The following PTPRK variants were observed in gnomAD, a reference collection of about 807,000 sequenced individuals.
The protein encoded by PTPRK is protein tyrosine phosphatase receptor type K.
Under a neutral mutation model 178.0 loss-of-function variants are expected in PTPRK, and 75 were observed. The ratio of observed to expected loss-of-function variants is 0.42; its 90% confidence interval spans 0.35 to 0.51. The LOEUF (loss-of-function observed/expected upper bound fraction) is 0.51. Ranked by LOEUF, PTPRK falls within the 20% of genes least tolerant of loss-of-function variation. PTPRK has a pLI of 0.02. For missense variants in PTPRK, 1,441 were observed against 1,797.8 expected (o/e 0.80, Z 3.59); for synonymous variants, 637 against 620.6 (o/e 1.03, Z -0.39).
chr6:128,187,134 T>C (rs772219862), intron 6 of PTPRK, among the ~76,000 whole-genome samples: 1 of 152,016 alleles, frequency 6.6e-6, no homozygotes, highest in Admixed American at 6.6e-5. Flanking sequence ...TGTGAGTATA[T>C]CAAATGGTAA....
At chr6:128,200,398 C>G (rs1285987513) in intron 6 of PTPRK, among the ~76,000 whole-genome samples, 1 of 152,014 alleles carries the variant, frequency 6.6e-6, no homozygotes, top group Admixed American at 6.6e-5. Context: ...ACTTAAGATA[C>G]AAATTAGAGT....
At chr6:128,089,414 T>G (rs1317425747) in intron 8 of PTPRK, among the ~76,000 whole-genome samples, 1 of 152,222 alleles carries the variant, frequency 6.6e-6, no homozygotes, top group Non-Finnish European at 1.5e-5. Flanking sequence ...GAACATTTGA[T>G]TTAAAAAACC....
At chr6:128,240,655 T>C (rs972239845) in intron 4 of PTPRK, among the ~76,000 whole-genome samples, 1 of 152,188 alleles carries the variant, frequency 6.6e-6, no homozygotes, top group African/African-American at 2.4e-5. Context: ...GTTATAACCC[T>C]CTACAGCACT....
intron 13 of PTPRK, among the ~76,000 whole-genome samples, chr6:128,054,762 G>A (rs1386553993): frequency 1.3e-5 from 2 of 152,166 alleles, no homozygotes; most frequent in African/African-American, 4.8e-5. Flanking sequence ...ATTCATTCAT[G>A]TTTAATTTCA....
intron 3 of PTPRK, among the ~76,000 whole-genome samples, chr6:128,300,054 T>G (rs1255034980): frequency 6.6e-6 from 1 of 151,986 alleles, no homozygotes; most frequent in Non-Finnish European, 1.5e-5. Flanking sequence ...CAACAAAAAG[T>G]GGGCAAAGGA....
At chr6:128,451,575 T>C (rs903321697) in intron 1 of PTPRK, among the ~76,000 whole-genome samples, 3 of 152,080 alleles carry the variant, frequency 2.0e-5, no homozygotes, top group South Asian at 2.1e-4. Context: ...TCTAATAAGC[T>C]AGAAACTGAA....
intron 13 of PTPRK, among the ~76,000 whole-genome samples, chr6:128,042,198 G>A (rs947172991): frequency 6.6e-6 from 1 of 151,964 alleles, no homozygotes; most frequent in Non-Finnish European, 1.5e-5. Context: ...CCCACTGTCC[G>A]ATTCCAAAGT....
chr6:128,213,615 T>C (rs1808659531), intron 6 of PTPRK, among the ~76,000 whole-genome samples: 1 of 152,050 alleles, frequency 6.6e-6, no homozygotes, highest in Non-Finnish European at 1.5e-5. Flanking sequence ...TATGAATTCA[T>C]GAGCCTAAAA....
chr6:128,077,573 T>G (rs982096143), intron 11 of PTPRK, among the ~76,000 whole-genome samples: 1 of 150,166 alleles, frequency 6.7e-6, no homozygotes, highest in Non-Finnish European at 1.5e-5. Flanking sequence ...ATGTATTCCT[T>G]TTACACAAAG....
chr6:128,390,610 C>T lies in PTPRK; in HGVS notation c.223+6956G>A, dbSNP rs1839413799. Among the ~76,000 whole-genome samples the T allele has an allele frequency of 1.3e-5, 2 of 152,152 alleles. 1 individual carries two copies. Among genetic ancestry groups the T allele is most frequent in the South Asian group, 4.1e-4 (2 of 4,826 alleles). ...TCAAGGAAATTTGTCAACTCAACTGCAGTGATGAAGCACGGTGGTACTGGA... is the reference window on the plus strand; with the variant it reads ...TCAAGGAAATTTGTCAACTCAACTGTAGTGATGAAGCACGGTGGTACTGGA... On this transcript the variant is annotated intron_variant, in intron 2 of 29. Coordinates refer to ENST00000368226, the MANE Select transcript of PTPRK (RefSeq NM_002844.4).
chr6:127,987,093 T>C (rs1024352590), intron 21 of PTPRK, among the ~76,000 whole-genome samples: 1 of 152,128 alleles, frequency 6.6e-6, no homozygotes, highest in Non-Finnish European at 1.5e-5. Flanking sequence ...AATTCTTTTA[T>C]TGGAGTTGCT....
chr6:128,396,936 C>G, intron 2 of PTPRK, among the ~76,000 whole-genome samples: 1 of 152,062 alleles, frequency 6.6e-6, no homozygotes, highest in Non-Finnish European at 1.5e-5. Context: ...AGGCAGAGAT[C>G]GCAGTGAGCA....
At chr6:128,433,062 GATCAA>G (rs1562510042) in intron 1 of PTPRK, among the ~76,000 whole-genome samples, 1 of 152,010 alleles carries the variant, frequency 6.6e-6, no homozygotes, top group African/African-American at 2.4e-5. Context: ...AATATGTATT[GATCAA>G]ATCAAAGTAT....
At position 127,995,528 on chromosome 6, in the gene PTPRK, G is replaced by A; in HGVS notation, c.2778C>T (p.Ser926=). The A allele has an allele frequency of 6.4e-7, 1 of 1,572,658 alleles. No homozygotes were observed. The highest frequency in any genetic ancestry group is 1.2e-5 in the South Asian group (1 of 85,840). Residue 926 remains serine, a synonymous_variant, in exon 18 of 30, where the codon TCC becomes TCT. Coordinates refer to ENST00000368226, the MANE Select transcript of PTPRK (RefSeq NM_002844.4). ...CCTCTACGGGTTGCAAAATCACTCTGGAGTGATCATCTAAAATTTTAAAAT... is the reference window on the plus strand; with the variant it reads ...CCTCTACGGGTTGCAAAATCACTCTAGAGTGATCATCTAAAATTTTAAAAT... ...RYGNIIAYDH[S]RVILQPVEDD... is the part of the protein sequence containing the mutation.
chr6:128,048,272 G>T (rs1333746355), intron 13 of PTPRK, among the ~76,000 whole-genome samples: 1 of 152,184 alleles, frequency 6.6e-6, no homozygotes, highest in Non-Finnish European at 1.5e-5. Flanking sequence ...AAACTGTGGA[G>T]TTGAGGCCCA....
intron 7 of PTPRK, among the ~76,000 whole-genome samples, chr6:128,093,632 C>CAAAAAA (rs1413749960): frequency 1.8e-5 from 1 of 54,202 alleles, no homozygotes; most frequent in African/African-American, 7.1e-5. Context: ...AACGAAAAAA[C>CAAAAAA]AAAAAAACAA....
intron 3 of PTPRK, among the ~76,000 whole-genome samples, chr6:128,311,545 T>C (rs915279750): frequency 3.3e-5 from 5 of 152,166 alleles, no homozygotes; most frequent in Non-Finnish European, 5.9e-5. Flanking sequence ...GCTGGCCCCT[T>C]ACACAGTATG....
chr6:128,494,201 T>TAAAAAAAAAAAAAAAAA (rs11301155), intron 1 of PTPRK, among the ~76,000 whole-genome samples: 2 of 112,944 alleles, frequency 1.8e-5, no homozygotes, highest in Non-Finnish European at 3.6e-5. Flanking sequence ...CCCTGTATCT[T>TAAAAAAAAAAAAAAAAA]AAAAAAAAAA....
At chr6:128,182,528 C>A (rs1404886533) in intron 7 of PTPRK, among the ~76,000 whole-genome samples, 1 of 152,086 alleles carries the variant, frequency 6.6e-6, no homozygotes, top group Non-Finnish European at 1.5e-5. Flanking sequence ...GAGCCAAGAT[C>A]ACGCCACTGC....
Sources: allele counts gnomAD v4.1 joint callset (sites outside exome capture counted in the v4.1 genomes callset), GRCh38; gene constraint gnomAD v4.1.1; transcripts MANE v1.5; gene names NCBI Gene and HGNC (gene_info 2026-07-23, HGNC 2026-07-21).